Variants in WDFY3 observed in about 807,000 individuals in gnomAD.
The protein encoded by WDFY3 is WD repeat and FYVE domain containing 3.
A neutral mutation model predicts 409.6 loss-of-function variants in WDFY3; 66 were observed. The ratio of observed to expected loss-of-function variants is 0.16; its 90% confidence interval spans 0.13 to 0.20. The LOEUF (loss-of-function observed/expected upper bound fraction) is 0.20, where lower values mean the gene tolerates loss of function less well. Ranked by LOEUF, WDFY3 falls within the 10% of genes least tolerant of loss-of-function variation. The pLI is 1.00. For missense variants in WDFY3, 3,031 were observed against 4,298.1 expected, an observed-to-expected ratio of 0.71 and a Z score of 8.24; for synonymous variants, 1,521 against 1,537.1, an observed-to-expected ratio of 0.99 and a Z score of 0.25.
At position 84,728,741 on chromosome 4, in the gene WDFY3, T is replaced by C. The variant is rs148184333; in HGVS notation, c.7222-1830A>G. ...GATTTAATACATATTTGCTCACTGA[T>C]TGATTAACCGGTTCTTATTTTACTA... On this transcript the variant is annotated intron_variant, in intron 44 of 67. Coordinates refer to ENST00000295888, the MANE Select transcript of WDFY3 (RefSeq NM_014991.6). Among the ~76,000 whole-genome samples, 6 of 152,256 alleles carry C rather than the reference T, an allele frequency of 3.9e-5. 1 individual carries two copies. In the East Asian group the frequency reaches 1.2e-3, roughly 29 times the overall value.
At chr4:84,940,253 T>A (rs768030232) in intron 1 of WDFY3, among the ~76,000 whole-genome samples, 95 of 152,254 alleles carry the variant, frequency 6.2e-4, no homozygotes, top group Non-Finnish European at 7.9e-4. Context: ...CTCTTTCAAC[T>A]CTACCCAAGC....
chr4:84,704,663 C>T (rs181095282), intron 54 of WDFY3, among the ~76,000 whole-genome samples: 1 of 152,238 alleles, frequency 6.6e-6, no homozygotes, highest in East Asian at 1.9e-4. Context: ...GGCCTATTCC[C>T]ACAAACTTAG....
At chr4:84,765,107 T>C (rs1045121530) in intron 32 of WDFY3, among the ~76,000 whole-genome samples, 1 of 152,176 alleles carries the variant, frequency 6.6e-6, no homozygotes, top group African/African-American at 2.4e-5. Flanking sequence ...GACAAATGTA[T>C]TTTTAAAATT....
intron 2 of WDFY3, among the ~76,000 whole-genome samples, chr4:84,912,127 T>A (rs140383336): frequency 6.6e-6 from 1 of 152,312 alleles, no homozygotes; most frequent in East Asian, 1.9e-4. Flanking sequence ...TTTAGCTCAA[T>A]ATCATAAACC....
At chr4:84,806,042 G>A (rs1294029446) in intron 15 of WDFY3, among the ~76,000 whole-genome samples, 4 of 152,194 alleles carry the variant, frequency 2.6e-5, no homozygotes, top group South Asian at 4.1e-4. Context: ...ACCTCAAAAC[G>A]TCCTTAGCAT....
At chr4:84,962,547 G>A (rs775567398) in intron 1 of WDFY3, among the ~76,000 whole-genome samples, 13 of 151,996 alleles carry the variant, frequency 8.6e-5, no homozygotes, top group African/African-American at 1.2e-4. Flanking sequence ...TAACGGAAAC[G>A]TCCTTTTCTA....
At chr4:84,685,072 T>C (rs991704403) in intron 62 of WDFY3, among the ~76,000 whole-genome samples, 7 of 152,212 alleles carry the variant, frequency 4.6e-5, no homozygotes, top group Non-Finnish European at 1.0e-4. Context: ...TTATATACCA[T>C]ACCGTGCTGC....
rs948335471 is a variant in WDFY3 at position 84,718,541 on chromosome 4, G to A, written c.7635C>T (p.Val2545=). The A allele has an allele frequency of 1.9e-6, 3 of 1,613,698 alleles. No homozygotes were observed. The Admixed American group carries it at 5.0e-5, about 27-fold the overall frequency. The change falls in exon 48 of 68, where the codon GTC becomes GTT. Residue 2545 remains valine, a synonymous_variant. Transcript: ENST00000295888. ...KIQHMYRCAR[V]QGLDTSEGLL... ...GCCCCTCACTGGTATCTAGGCCCTG[G>A]ACTCGAGCACAGCGGTACATGTGTT...
chr4:84,785,047 T>C (rs916272612), intron 24 of WDFY3, among the ~76,000 whole-genome samples: 1 of 151,880 alleles, frequency 6.6e-6, no homozygotes, highest in Non-Finnish European at 1.5e-5. Context: ...CTACTACCTT[T>C]GTTTCTCTTC....
intron 54 of WDFY3, 146 bp downstream of exon 54, chr4:84,705,248 T>A: frequency 1.6e-6 from 1 of 621,206 alleles, no homozygotes; most frequent in Non-Finnish European, 2.8e-6. Flanking sequence ...TCTGCTATAA[T>A]AATCTGCATA....
intron 15 of WDFY3, chr4:84,804,037 C>A (rs532305069): frequency 6.6e-6 from 1 of 152,198 alleles, no homozygotes; most frequent in African/African-American, 2.4e-5. Context: ...GAACTACTTT[C>A]ATCTTCTGCA....
intron 3 of WDFY3, among the ~76,000 whole-genome samples, chr4:84,865,173 G>C (rs759438583): frequency 1.3e-5 from 2 of 152,126 alleles, no homozygotes; most frequent in African/African-American, 4.8e-5. Flanking sequence ...ACAGGTATGA[G>C]CCACCGCACC....
intron 1 of WDFY3, among the ~76,000 whole-genome samples, chr4:84,956,623 A>G (rs74455521): frequency 0.012 from 1,820 of 152,344 alleles, 31 homozygotes; most frequent in African/African-American, 0.042. Context: ...ACTCCCAAAT[A>G]CAATACTTTA....
At chr4:84,914,717 GGA>G (rs1369059414) in intron 2 of WDFY3, among the ~76,000 whole-genome samples, 1 of 152,136 alleles carries the variant, frequency 6.6e-6, no homozygotes, top group African/African-American at 2.4e-5. Context: ...TAGAGAAATT[GGA>G]ACCCTCATGT....
intron 7 of WDFY3, among the ~76,000 whole-genome samples, chr4:84,833,272 A>T (rs1440096910): frequency 6.6e-6 from 1 of 152,188 alleles, no homozygotes; most frequent in African/African-American, 2.4e-5. Context: ...AAATTTTCTC[A>T]TCTAAGTATT....
chr4:84,675,806 C>T (rs1053207407), intron 67 of WDFY3, among the ~76,000 whole-genome samples: 3 of 152,146 alleles, frequency 2.0e-5, no homozygotes, highest in Non-Finnish European at 2.9e-5. Context: ...AAAGTAACGA[C>T]TGTGGATGTG....
At chr4:84,701,757 T>C (rs1158071484) in intron 56 of WDFY3, among the ~76,000 whole-genome samples, 2 of 152,182 alleles carry the variant, frequency 1.3e-5, no homozygotes, top group African/African-American at 2.4e-5. Context: ...GTCCTGTTTT[T>C]CTAGAAAATA....
intron 3 of WDFY3, among the ~76,000 whole-genome samples, chr4:84,870,359 C>T (rs1761977888): frequency 6.6e-6 from 1 of 152,062 alleles, no homozygotes; most frequent in African/African-American, 2.4e-5. Context: ...CCCAGAAATC[C>T]AGAGTCACAG....
rs1337409427 is a variant in WDFY3 at position 84,904,651 on chromosome 4, C to G, written c.-131-7641G>C. ...TCTTTCTGTGCTGTGGTTTGTCTTA[C>G]AAAGCAAGCAAAATGTGGCCCATGC... On this transcript the variant is annotated intron_variant, in intron 2 of 67. Transcript: ENST00000295888. Among the ~76,000 whole-genome samples the G allele has an allele frequency of 3.3e-5, 5 of 152,266 alleles. No individual in the cohort carries two copies. The East Asian group carries it at 9.6e-4, about 29-fold the overall frequency.
Sources: allele counts gnomAD v4.1 joint callset (sites outside exome capture counted in the v4.1 genomes callset), GRCh38; gene constraint gnomAD v4.1.1; transcripts MANE v1.5; gene names NCBI Gene and HGNC (gene_info 2026-07-23, HGNC 2026-07-21).